ABCG2: variants seen among roughly 807,000 people sequenced by gnomAD.
The protein encoded by ABCG2 is ATP binding cassette subfamily G member 2 (JR blood group).
Under a neutral mutation model 73.5 loss-of-function variants are expected in ABCG2, and 80 were observed. The observed-to-expected ratio is 1.09, with a 90% CI of 0.91 to 1.31. The LOEUF (loss-of-function observed/expected upper bound fraction) is 1.31, where lower values mean the gene tolerates loss of function less well. Among genes scored for constraint, ABCG2 ranks in the 50% most tolerant of loss-of-function variants. The pLI is 0.00. For synonymous variants in ABCG2, 269 were observed against 282.4 expected, an observed-to-expected ratio of 0.95 and a Z score of 0.48; for missense variants, 796 against 786.2, an observed-to-expected ratio of 1.01 and a Z score of -0.15.
At chr4:88,138,583 A>T (rs1725403924) in intron 2 of ABCG2, among the ~76,000 whole-genome samples, 1 of 152,222 alleles carries the variant, frequency 6.6e-6, no homozygotes, top group Non-Finnish European at 1.5e-5. Flanking sequence ...AAATGACAGC[A>T]GCCCTTCCTC....
chr4:88,178,438 G>C lies in ABCG2; in HGVS notation c.-19-38424C>G, dbSNP rs560226959. On this transcript the variant is annotated intron_variant, in intron 1 of 15. Transcript: ENST00000515655. ...CCCAGGCAGTACTTGTTGTAGGCAC[G>C]GGGTGAGACTCAGAGACTTGCTGGC... Among the ~76,000 whole-genome samples, 26 of 152,246 alleles carry C rather than the reference G, an allele frequency of 1.7e-4. No homozygotes were observed. The South Asian group carries it at 3.9e-3, about 23-fold the overall frequency.
chr4:88,126,315 CA>C (rs933881482), intron 5 of ABCG2, among the ~76,000 whole-genome samples: 2 of 152,116 alleles, frequency 1.3e-5, no homozygotes, highest in African/African-American at 4.8e-5. Flanking sequence ...GGTCCAGGAC[CA>C]GACAGATTCA....
At chr4:88,191,969 G>A (rs1217818294) in intron 1 of ABCG2, among the ~76,000 whole-genome samples, 1 of 152,002 alleles carries the variant, frequency 6.6e-6, no homozygotes, top group East Asian at 1.9e-4. Context: ...TCTGGCATTC[G>A]AGACCAGCCT....
chr4:88,175,831 T>A (rs1424066468), intron 1 of ABCG2, among the ~76,000 whole-genome samples: 3 of 152,242 alleles, frequency 2.0e-5, no homozygotes, highest in African/African-American at 7.2e-5. Flanking sequence ...CTGATGCCTT[T>A]GAGTGAGAAA....
At chr4:88,183,399 A>C (rs1267414044) in intron 1 of ABCG2, among the ~76,000 whole-genome samples, 1 of 152,164 alleles carries the variant, frequency 6.6e-6, no homozygotes, top group Non-Finnish European at 1.5e-5. Context: ...ACAACAACTG[A>C]TACTGCAGAA....
At chr4:88,217,025 C>T (rs546464417) in intron 1 of ABCG2, among the ~76,000 whole-genome samples, 16 of 149,996 alleles carry the variant, frequency 1.1e-4, no homozygotes, top group Admixed American at 6.6e-4. Context: ...AGCAAGACTC[C>T]GTCTCAAAAA....
intron 6 of ABCG2, among the ~76,000 whole-genome samples, chr4:88,120,543 T>C (rs929748667): frequency 4.6e-5 from 7 of 152,192 alleles, no homozygotes; most frequent in East Asian, 3.9e-4. Context: ...ACGTGAGATA[T>C]GGAATCAAAG....
In ABCG2 at chr4:88,131,803, T is replaced by G; in HGVS notation, c.378A>C (p.Gln126His). The change falls in exon 4 of 16, where the codon CAA (glutamine) becomes CAC (histidine). Residue 126 changes from glutamine to histidine, a missense_variant and splice_region_variant. Gln to His is a conservative substitution (Grantham distance 24). Transcript: ENST00000237612. ...NFKCNSGYVV[Q>H]DDVVMGTLTV... ...AAAATGCAAACCCACTAATACTTAC[T>G]TGTACCACGTAACCTGAATTACATT... The G allele has an allele frequency of 6.2e-7, 1 of 1,611,378 alleles. No individual in the cohort carries two copies. Among genetic ancestry groups the G allele is most frequent in the Non-Finnish European group, 8.5e-7 (1 of 1,178,536 alleles).
At chr4:88,092,406 T>C (rs911973976) in intron 15 of ABCG2, 25 bp from the exon 16 acceptor site, 1 of 1,600,962 alleles carries the variant, frequency 6.2e-7, no homozygotes, top group Non-Finnish European at 8.5e-7. Context: ...AAAAAGAATA[T>C]AACTTCATTC....
chr4:88,213,985 T>C (rs1188681788), intron 1 of ABCG2, among the ~76,000 whole-genome samples: 1 of 66,476 alleles, frequency 1.5e-5, no homozygotes, highest in South Asian at 4.7e-4. Context: ...GCCCGGCCTT[T>C]TTTTTTTTTT....
intron 7 of ABCG2, 25 bp from the exon 8 acceptor site, chr4:88,115,083 C>T (rs781557294): frequency 7.9e-6 from 12 of 1,520,816 alleles, no homozygotes. Flanking sequence ...AGCTCAAAAA[C>T]ACAAACTTGA....
At position 88,094,580 on chromosome 4, in the gene ABCG2, G is replaced by T. The variant is rs1299859717; in HGVS notation, c.1817C>A (p.Ala606Glu). The change falls in exon 15 of 16, where the codon GCA (alanine) becomes GAA (glutamate). Residue 606 changes from alanine (A) to glutamate (E), a missense_variant. By Grantham distance (107) the Ala-to-Glu change is moderately radical (BLOSUM62 -1). Transcript: ENST00000237612. ...NATGNNPCNYATCTGEEYLVK... is the reference protein window; with the variant it reads ...NATGNNPCNYETCTGEEYLVK... The stretch of plus-strand genomic sequence containing the variant: ...TTGACACTGAACAAAAACTTACGTT[G>T]CATAGTTACAAGGATTGTTTCCTGT... 3 of 1,612,872 alleles carry T rather than the reference G, an allele frequency of 1.9e-6. No individual in the cohort carries two copies. The highest frequency in any genetic ancestry group is 2.5e-6 in the Non-Finnish European group (3 of 1,178,976).
chr4:88,204,228 C>T (rs747663851), intron 1 of ABCG2, among the ~76,000 whole-genome samples: 30 of 151,872 alleles, frequency 2.0e-4, no homozygotes, highest in Non-Finnish European at 4.3e-4. Context: ...GAGAATATCC[C>T]GGCCAACATG....
intron 10 of ABCG2, 121 bp downstream of exon 10, chr4:88,107,063 A>G: frequency 1.4e-6 from 1 of 739,462 alleles, no homozygotes; most frequent in African/African-American, 1.8e-5. Flanking sequence ...GACTCATCCT[A>G]CCCTCAATAA....
chr4:88,103,467 GGTT>G (rs1423443189), intron 10 of ABCG2, among the ~76,000 whole-genome samples: 1 of 152,014 alleles, frequency 6.6e-6, no homozygotes, highest in Non-Finnish European at 1.5e-5. Flanking sequence ...GGCATATTAT[GGTT>G]GTATATATTT....
intron 11 of ABCG2, among the ~76,000 whole-genome samples, chr4:88,100,400 G>A (rs549920656): frequency 4.6e-5 from 7 of 151,956 alleles, no homozygotes; most frequent in Non-Finnish European, 7.4e-5. Flanking sequence ...CTACTTGGGA[G>A]GCTGAGGGAG....
chr4:88,092,165 T>G lies in ABCG2; in HGVS notation c.*69A>C. 2 of 1,435,150 alleles carry G rather than the reference T, an allele frequency of 1.4e-6. No homozygotes were observed. Among genetic ancestry groups the G allele is most frequent in the Non-Finnish European group, 1.9e-6 (2 of 1,058,132 alleles). The allele number at this position is 1,435,150 out of a possible 1,614,324, so 88.9% of individuals were successfully genotyped here. ...GGGAACAGAAAACAACAAAAAAACT[T>G]GATTGAATACTTCAATCAAAGTGCT... On this transcript the variant is annotated 3_prime_UTR_variant, in exon 16 of 16. Transcript: ENST00000237612.
chr4:88,189,973 GTTAGT>G (rs1323184076), intron 1 of ABCG2, among the ~76,000 whole-genome samples: 3 of 152,132 alleles, frequency 2.0e-5, no homozygotes, highest in Non-Finnish European at 2.9e-5. Flanking sequence ...AATGAATGAA[GTTAGT>G]TTAAAGTGGT....
intron 2 of ABCG2, among the ~76,000 whole-genome samples, chr4:88,133,741 T>TA (rs1433406795): frequency 6.6e-6 from 1 of 152,212 alleles, no homozygotes; most frequent in African/African-American, 2.4e-5. Flanking sequence ...CTCATGCCTG[T>TA]AATCCCAGCA....
Sources: allele counts gnomAD v4.1 joint callset (sites outside exome capture counted in the v4.1 genomes callset), GRCh38; gene constraint gnomAD v4.1.1; transcripts MANE v1.5; gene names NCBI Gene and HGNC (gene_info 2026-07-23, HGNC 2026-07-21).